Variants in UNC13C observed in about 807,000 individuals in gnomAD.
UNC13C encodes unc-13 homolog C, also known as protein unc-13 homolog C.
Under a neutral mutation model 245.4 loss-of-function variants are expected in UNC13C, and 174 were observed. The ratio of observed to expected loss-of-function variants is 0.71; its 90% CI spans 0.63 to 0.80. The LOEUF (loss-of-function observed/expected upper bound fraction) is 0.80, where lower values mean the gene tolerates loss of function less well. UNC13C is among the 30% of genes least tolerant of loss of function. The probability of loss-of-function intolerance (pLI) is 0.00; values close to 1 mark genes in which losing one functional copy is unlikely to be tolerated. For synonymous variants in UNC13C, 992 were observed against 895.1 expected, an observed-to-expected ratio of 1.11 and a Z score of -1.93; for missense variants, 2,829 against 2,602.9, an observed-to-expected ratio of 1.09 and a Z score of -1.89.
intron 13 of UNC13C, among the ~76,000 whole-genome samples, chr15:54,313,200 G>A (rs942264036): frequency 4.6e-5 from 7 of 151,676 alleles, no homozygotes; most frequent in Non-Finnish European, 8.8e-5. Context: ...AATATTATTC[G>A]CCTTCAAAGT....
At chr15:54,328,657 T>C (rs2038359563) in intron 14 of UNC13C, among the ~76,000 whole-genome samples, 1 of 152,020 alleles carries the variant, frequency 6.6e-6, no homozygotes, top group Non-Finnish European at 1.5e-5. Flanking sequence ...CAAGAGCTTT[T>C]CCTTCCAGGG....
At chr15:54,105,803 G>T (rs1168697905) in intron 2 of UNC13C, among the ~76,000 whole-genome samples, 1 of 152,178 alleles carries the variant, frequency 6.6e-6, no homozygotes, top group East Asian at 1.9e-4. Context: ...TTCGTGACTG[G>T]CTGAATAGGA....
downstream of UNC13C, chr15:54,630,237 C>G (rs554135721): frequency 2.0e-5 from 3 of 152,214 alleles, no homozygotes; most frequent in Admixed American, 6.5e-5. Flanking sequence ...ATTTGCTATT[C>G]GAAGGAATTT....
chr15:54,164,033 A>G lies in UNC13C; in HGVS notation c.3071+20349A>G, dbSNP rs78942501. ...AGTGGATTGTAGATGCTCTTACAGA[A>G]AAAAAGGGTAACTCTGCAAAATGAT... On this transcript the variant is annotated intron_variant, in intron 4 of 32. Transcript: ENST00000260323. 9.4e-3 allele frequency among the ~76,000 whole-genome samples: 1,430 copies of G among 152,268 alleles called. 19 individuals are homozygous for G. Among genetic ancestry groups the G allele is most frequent in the African/African-American group, 0.034 (1,405 of 41,562 alleles).
chr15:54,483,747 G>T (rs5017622), intron 19 of UNC13C, among the ~76,000 whole-genome samples: 62,813 of 152,018 alleles, frequency 0.41, 13,250 homozygotes, highest in East Asian at 0.62. Context: ...GAGCCACTGC[G>T]CCCAGCCCTG....
intron 2 of UNC13C, among the ~76,000 whole-genome samples, chr15:54,104,514 T>G (rs996003044): frequency 6.6e-6 from 1 of 152,152 alleles, no homozygotes; most frequent in Non-Finnish European, 1.5e-5. Flanking sequence ...TCCCTTTTTT[T>G]GTATTCTAAC....
At chr15:54,171,670 A>G (rs530077983) in intron 4 of UNC13C, among the ~76,000 whole-genome samples, 5 of 152,222 alleles carry the variant, frequency 3.3e-5, no homozygotes, top group African/African-American at 1.2e-4. Context: ...GTAAATTAGT[A>G]CAACCACTTT....
At chr15:54,387,937 C>T (rs913379844) in intron 17 of UNC13C, among the ~76,000 whole-genome samples, 2 of 152,108 alleles carry the variant, frequency 1.3e-5, no homozygotes, top group Non-Finnish European at 2.9e-5. Context: ...CTACAGCTAC[C>T]TTGCTTTGCA....
At chr15:53,967,744 T>C in the UNC13C span, among the ~76,000 whole-genome samples, 3 of 152,206 alleles carry the variant, frequency 2.0e-5, no homozygotes, top group African/African-American at 7.2e-5. Context: ...TCTTTTGCTT[T>C]AGTGAAGTAT....
intron 17 of UNC13C, among the ~76,000 whole-genome samples, chr15:54,359,821 T>C (rs948694097): frequency 2.0e-5 from 3 of 151,942 alleles, no homozygotes; most frequent in Admixed American, 6.6e-5. Flanking sequence ...TTTTCATATT[T>C]TTAAAATCTC....
chr15:53,890,025 G>T, the UNC13C span, among the ~76,000 whole-genome samples: 1 of 151,890 alleles, frequency 6.6e-6, no homozygotes, highest in African/African-American at 2.4e-5. Context: ...TTTTTTTGTT[G>T]TGTCTCTGCC....
At chr15:53,892,936 TGGA>T in the UNC13C span, among the ~76,000 whole-genome samples, 3 of 152,172 alleles carry the variant, frequency 2.0e-5, no homozygotes, top group Admixed American at 6.5e-5. Context: ...TGTGATCCTT[TGGA>T]GGAGAAGTGG....
intron 2 of UNC13C, among the ~76,000 whole-genome samples, chr15:54,032,417 G>A (rs970944476): frequency 2.0e-5 from 3 of 152,164 alleles, no homozygotes; most frequent in South Asian, 2.1e-4. Flanking sequence ...CTTCCTGGGT[G>A]CCTTCATTGC....
chr15:54,239,418 A>G (rs1310530047), intron 7 of UNC13C, among the ~76,000 whole-genome samples: 3 of 152,076 alleles, frequency 2.0e-5, no homozygotes, highest in South Asian at 2.1e-4. Context: ...GCATTCTCAG[A>G]GTATTATTCT....
chr15:54,019,234 T>C (rs2141000908), intron 2 of UNC13C, among the ~76,000 whole-genome samples: 1 of 152,346 alleles, frequency 6.6e-6, no homozygotes, highest in African/African-American at 2.4e-5. Context: ...ATTGTTACTT[T>C]GGCTATTTAG....
rs2035701963 is a variant in UNC13C at position 54,236,423 on chromosome 15, T to A, written c.3151-7T>A. The A allele has an allele frequency of 1.9e-6, 3 of 1,591,844 alleles. No individual in the cohort carries two copies. The highest frequency in any genetic ancestry group is 2.6e-6 in the Non-Finnish European group (3 of 1,174,948). On this transcript the variant is annotated splice_region_variant and splice_polypyrimidine_tract_variant and intron_variant, in intron 5 of 32. Coordinates refer to ENST00000260323, the MANE Select transcript of UNC13C (RefSeq NM_001080534.3). ...ATTTTGTTTCCTCTCACTTCTGGAA[T>A]CTTCAGGCCATGGTAAGTGCTTTGC...
At chr15:54,499,522 G>A (rs1353049112) in intron 20 of UNC13C, among the ~76,000 whole-genome samples, 1 of 151,992 alleles carries the variant, frequency 6.6e-6, no homozygotes, top group Non-Finnish European at 1.5e-5. Flanking sequence ...AATTCAATGC[G>A]GTGGGGGAAT....
chr15:53,842,158 A>T, the UNC13C span, among the ~76,000 whole-genome samples: 1 of 152,138 alleles, frequency 6.6e-6, no homozygotes, highest in Admixed American at 6.6e-5. Context: ...GGAGAATGGG[A>T]AGCCTCACAT....
At chr15:53,974,227 T>C (rs1893629316), upstream of UNC13C, among the ~76,000 whole-genome samples, 2 of 152,176 alleles carry the variant, frequency 1.3e-5, no homozygotes, top group Admixed American at 6.5e-5. Context: ...TTGGAATATA[T>C]AGTTAGAAGG....
Sources: gnomAD v4.1 joint callset for allele counts (sites outside exome capture counted in the v4.1 genomes callset) on GRCh38, gnomAD v4.1.1 for gene constraint, MANE v1.5 for transcripts, NCBI Gene and HGNC (gene_info 2026-07-23, HGNC 2026-07-21) for gene names.